CCSER1: variants seen among roughly 807,000 people sequenced by gnomAD.
CCSER1 encodes serine-rich coiled-coil domain-containing protein 1.
CCSER1 carries 41 observed loss-of-function variants against 82.0 expected under a neutral mutation model. That is an observed-to-expected ratio of 0.50 (90% CI 0.39 to 0.65). The LOEUF is 0.65. Among genes scored for constraint, CCSER1 ranks in the 30% least tolerant of loss-of-function variants. CCSER1 has a pLI of 0.00. For synonymous variants in CCSER1, 414 were observed against 383.9 expected (o/e 1.08, Z -0.92); for missense variants, 1,119 against 1,064.2 (o/e 1.05, Z -0.72).
intron 10 of CCSER1, among the ~76,000 whole-genome samples, chr4:91,130,262 CATT>C (rs1009919767): frequency 5.3e-5 from 8 of 151,714 alleles, no homozygotes; most frequent in East Asian, 1.9e-4. Flanking sequence ...ATTTTAAAAA[CATT>C]AATTAATGTT....
intron 1 of CCSER1, among the ~76,000 whole-genome samples, chr4:90,167,978 G>T (rs1263667495): frequency 6.6e-6 from 1 of 151,974 alleles, no homozygotes; most frequent in Non-Finnish European, 1.5e-5. Context: ...ATAATCCTTT[G>T]GGTATCTACC....
At chr4:90,430,336 C>T (rs1758099793) in intron 4 of CCSER1, among the ~76,000 whole-genome samples, 1 of 151,802 alleles carries the variant, frequency 6.6e-6, no homozygotes, top group African/African-American at 2.4e-5. Flanking sequence ...AAAAAGAGGG[C>T]AAAACTCACT....
intron 6 of CCSER1, among the ~76,000 whole-genome samples, chr4:90,695,611 A>G (rs1425179863): frequency 2.0e-5 from 3 of 152,060 alleles, no homozygotes; most frequent in Non-Finnish European, 4.4e-5. Flanking sequence ...GTCTGAGGTC[A>G]TGTGATTTTT....
chr4:90,237,242 T>A (rs1202594342), intron 1 of CCSER1, among the ~76,000 whole-genome samples: 1 of 152,190 alleles, frequency 6.6e-6, no homozygotes, highest in South Asian at 2.1e-4. Flanking sequence ...AGAGTAAGAA[T>A]TTCGAAATTT....
intron 10 of CCSER1, among the ~76,000 whole-genome samples, chr4:91,185,427 G>T (rs1418261911): frequency 6.6e-6 from 1 of 152,188 alleles, no homozygotes; most frequent in East Asian, 1.9e-4. Flanking sequence ...TATTGTCCCT[G>T]CTGGCAAGGG....
intron 7 of CCSER1, among the ~76,000 whole-genome samples, chr4:90,751,001 T>C (rs1580301542): frequency 6.6e-6 from 1 of 152,152 alleles, no homozygotes; most frequent in East Asian, 1.9e-4. Context: ...TATATTATGC[T>C]GAAAATAACT....
chr4:90,941,396 G>A (rs1356171033), intron 9 of CCSER1, among the ~76,000 whole-genome samples: 1 of 151,950 alleles, frequency 6.6e-6, no homozygotes, highest in East Asian at 1.9e-4. Flanking sequence ...GTTACTATAT[G>A]ATATACATAT....
intron 10 of CCSER1, among the ~76,000 whole-genome samples, chr4:91,450,742 A>T (rs1156809967): frequency 6.6e-6 from 1 of 152,004 alleles, no homozygotes; most frequent in East Asian, 1.9e-4. Flanking sequence ...AGGTCTGCTG[A>T]GGACTTCACT....
At chr4:90,197,787 G>A (rs1235385663) in intron 1 of CCSER1, among the ~76,000 whole-genome samples, 4 of 151,968 alleles carry the variant, frequency 2.6e-5, no homozygotes, top group East Asian at 1.9e-4. Context: ...GGCTGGGAAG[G>A]GTAGTGGGAG....
At chr4:90,210,547 G>T (rs1384477833) in intron 1 of CCSER1, among the ~76,000 whole-genome samples, 1 of 151,408 alleles carries the variant, frequency 6.6e-6, no homozygotes, top group Non-Finnish European at 1.5e-5. Flanking sequence ...GGGCTCAAGC[G>T]ATCCTCCTGC....
intron 10 of CCSER1, among the ~76,000 whole-genome samples, chr4:91,338,257 G>T (rs1747455000): frequency 6.6e-6 from 1 of 152,240 alleles, no homozygotes; most frequent in South Asian, 2.1e-4. Context: ...TATAAAAGTG[G>T]TTATTAATTA....
intron 8 of CCSER1, among the ~76,000 whole-genome samples, chr4:90,838,546 A>G (rs1762104442): frequency 6.8e-6 from 1 of 147,746 alleles, no homozygotes; most frequent in Non-Finnish European, 1.5e-5. Flanking sequence ...TCCAATAATT[A>G]AAATCATTTG....
chr4:91,596,806 G>A (rs1383676850), intron 10 of CCSER1, among the ~76,000 whole-genome samples: 2 of 151,898 alleles, frequency 1.3e-5, no homozygotes, highest in African/African-American at 4.8e-5. Flanking sequence ...ACAGAGGGGG[G>A]TCTGCTGTAA....
intron 5 of CCSER1, among the ~76,000 whole-genome samples, chr4:90,477,148 T>C (rs1358326420): frequency 6.6e-6 from 1 of 152,246 alleles, no homozygotes; most frequent in East Asian, 1.9e-4. Flanking sequence ...GAATGTGTTC[T>C]ATAATTTAGG....
chr4:90,690,730 G>A (rs72661865), intron 6 of CCSER1, among the ~76,000 whole-genome samples: 24,076 of 151,860 alleles, frequency 0.16, 2,140 homozygotes, highest in Middle Eastern at 0.26. Flanking sequence ...CCACCTTATT[G>A]CCTCCTTAAT....
intron 2 of CCSER1, among the ~76,000 whole-genome samples, chr4:90,309,863 A>T (rs1734991281): frequency 6.6e-6 from 1 of 152,136 alleles, no homozygotes; most frequent in South Asian, 2.1e-4. Context: ...ACTAAGAAGC[A>T]GCCTCTTAGT....
intron 10 of CCSER1, among the ~76,000 whole-genome samples, chr4:91,454,063 T>C (rs994087451): frequency 6.6e-6 from 1 of 152,104 alleles, no homozygotes; most frequent in Non-Finnish European, 1.5e-5. Context: ...TTCATATACA[T>C]GGTTTAACGT....
intron 1 of CCSER1, among the ~76,000 whole-genome samples, chr4:90,299,045 A>C (rs1490610262): frequency 6.6e-6 from 1 of 151,932 alleles, no homozygotes; most frequent in Admixed American, 6.6e-5. Context: ...TATCTGGCTG[A>C]GTATCAAGAT....
chr4:90,347,594 ATGCTGAATATGTCCCC>A (rs1267000300), intron 3 of CCSER1, among the ~76,000 whole-genome samples: 51 of 152,260 alleles, frequency 3.3e-4, no homozygotes, highest in African/African-American at 8.9e-4. Context: ...CAGCATGTGC[ATGCTGAATATGTCCCC>A]TACATTTTAC....
Sources: allele counts gnomAD v4.1 joint callset (sites outside exome capture counted in the v4.1 genomes callset), GRCh38; gene constraint gnomAD v4.1.1; transcripts MANE v1.5; gene names NCBI Gene and HGNC (gene_info 2026-07-23, HGNC 2026-07-21).